The following EXD1 variants were observed in gnomAD, a reference collection of about 807,000 sequenced individuals.
EXD1 encodes exonuclease 3'-5' domain containing 1.
In EXD1, 63 loss-of-function variants were observed where a neutral mutation model predicts 49.1. The observed-to-expected ratio is 1.28, with a 90% CI of 1.05 to 1.58. The LOEUF is 1.58. Ranked by LOEUF, EXD1 falls within the 40% of genes most tolerant of loss-of-function variation. The pLI, the probability that EXD1 is intolerant of heterozygous loss-of-function variation, is 0.00. For synonymous variants in EXD1, 234 were observed against 239.2 expected, an observed-to-expected ratio of 0.98 and a Z score of 0.20; for missense variants, 748 against 666.0, an observed-to-expected ratio of 1.12 and a Z score of -1.36.
chr15:41,207,828 T>C (rs1595445667), intron 7 of EXD1, among the ~76,000 whole-genome samples: 1 of 151,662 alleles, frequency 6.6e-6, no homozygotes, highest in African/African-American at 2.4e-5. Flanking sequence ...CTGGCCAACA[T>C]GGTGAAACCC....
intron 7 of EXD1, among the ~76,000 whole-genome samples, chr15:41,200,157 G>A (rs2046705620): frequency 6.6e-6 from 1 of 151,960 alleles, no homozygotes; most frequent in Non-Finnish European, 1.5e-5. Flanking sequence ...TGATCCGCCT[G>A]CCTCGGCCTC....
In EXD1 at chr15:41,195,834, G is replaced by A. The variant is rs2046602590; in HGVS notation, c.661C>T (p.Leu221Phe). 1 of 1,613,570 alleles carries A rather than the reference G, an allele frequency of 6.2e-7. No individual in the cohort carries two copies. The highest frequency in any genetic ancestry group is 8.5e-7 in the Non-Finnish European group (1 of 1,179,888). The change falls in exon 9 of 12, where the codon CTT becomes TTT. Residue 221 changes from leucine (L) to phenylalanine (F), a missense_variant. Coordinates refer to ENST00000458580, the MANE Select transcript of EXD1 (RefSeq NM_001286441.2). ...TACTGATGAGAGAGGCAATCAGAAA[G>A]CCAACGACAATCATGGATAACCTAA... Reference protein sequence around the residue: ...ILKVIHDCRWLSDCLSHQYGI... With the variant: ...ILKVIHDCRWFSDCLSHQYGI...
intron 3 of EXD1, 187 bp downstream of exon 3, chr15:41,219,643 A>G (rs927329019): frequency 1.1e-4 from 56 of 510,122 alleles, no homozygotes; most frequent in African/African-American, 1.0e-3. Context: ...ACCTGACATT[A>G]TAAAACCAAA....
At chr15:41,215,886 G>A (rs1032278719) in intron 5 of EXD1, 53 bp from the exon 6 acceptor site, 1 of 1,583,728 alleles carries the variant, frequency 6.3e-7, no homozygotes, top group African/African-American at 1.4e-5. Context: ...CAACAGAATA[G>A]CTTTCTCAAT....
At chr15:41,214,380 G>A (rs1349592558) in intron 6 of EXD1, among the ~76,000 whole-genome samples, 1 of 151,610 alleles carries the variant, frequency 6.6e-6, no homozygotes, top group Non-Finnish European at 1.5e-5. Context: ...TGGCGTGGTG[G>A]TGCATGCCTG....
In EXD1 at chr15:41,184,321, C is replaced by G. The variant is rs2046370196; in HGVS notation, c.1329G>C (p.Leu443Phe). ...GDVNLLKEES[L>F]NKQATNPQHL... ...GTTGAGGATTTGTAGCTTGTTTATT[C>G]AAAGATTCTTCTTTCAGTAAATTCA... The change falls in exon 12 of 12, where the codon TTG (leucine) becomes TTC (phenylalanine). Residue 443 changes from leucine to phenylalanine, a missense_variant. Transcript: ENST00000458580. 1.2e-6 allele frequency: 2 copies of G among 1,614,062 alleles called. No homozygotes were observed. Among genetic ancestry groups the G allele is most frequent in the African/African-American group, 2.7e-5 (2 of 74,928 alleles).
At chr15:41,196,514 C>T (rs1256897030) in intron 7 of EXD1, among the ~76,000 whole-genome samples, 1 of 151,954 alleles carries the variant, frequency 6.6e-6, no homozygotes, top group Non-Finnish European at 1.5e-5. Flanking sequence ...GAAGGGGTTT[C>T]ACCATGTTGG....
chr15:41,222,337 C>T (rs530110109), intron 2 of EXD1, among the ~76,000 whole-genome samples: 1 of 152,220 alleles, frequency 6.6e-6, no homozygotes, highest in Non-Finnish European at 1.5e-5. Context: ...ATCACTTCAA[C>T]CTGGGAGGCG....
At chr15:41,209,740 T>C (rs1396879733) in intron 6 of EXD1, among the ~76,000 whole-genome samples, 153 bp from the exon 7 acceptor site, 1 of 151,964 alleles carries the variant, frequency 6.6e-6, no homozygotes, top group East Asian at 1.9e-4. Flanking sequence ...CAGTCTGTTT[T>C]ACACATGCAA....
Position 41,226,611 on chromosome 15 carries a change from T to C in EXD1, c.-36A>G, listed in dbSNP as rs564009733. Reference sequence around the variant, plus strand: ...TCCAAAAGCCGTCTTCAAATAATCTTCTTTAAGCATCCAAACACTTGAAAA... The same window carrying C: ...TCCAAAAGCCGTCTTCAAATAATCTCCTTTAAGCATCCAAACACTTGAAAA... On this transcript the variant is annotated 5_prime_UTR_variant, in exon 2 of 12. Coordinates refer to ENST00000458580, the MANE Select transcript of EXD1 (RefSeq NM_001286441.2). 6.6e-7 allele frequency: 1 copy of C among 1,518,562 alleles called. No homozygotes were observed. The highest frequency in any genetic ancestry group is 8.8e-7 in the Non-Finnish European group (1 of 1,138,116). 94.1% of individuals were successfully genotyped at this position (1,518,562 alleles called of 1,614,324 possible).
At chr15:41,229,132 C>T (rs1253604441) in intron 1 of EXD1, among the ~76,000 whole-genome samples, 2 of 152,164 alleles carry the variant, frequency 1.3e-5, no homozygotes, top group Non-Finnish European at 2.9e-5. Flanking sequence ...CAAAATGTTA[C>T]TGAGTACAAA....
At chr15:41,225,806 T>C (rs2047155139) in intron 2 of EXD1, among the ~76,000 whole-genome samples, 1 of 151,380 alleles carries the variant, frequency 6.6e-6, no homozygotes, top group Admixed American at 6.6e-5. Context: ...GAGAATCACT[T>C]GAACTTGGGA....
At chr15:41,228,078 G>A (rs900616582) in intron 1 of EXD1, among the ~76,000 whole-genome samples, 5 of 151,760 alleles carry the variant, frequency 3.3e-5, no homozygotes, top group African/African-American at 9.7e-5. Flanking sequence ...AAAAGAAGGC[G>A]GTACTCTTAC....
chr15:41,189,357 G>A (rs558868425), intron 11 of EXD1, among the ~76,000 whole-genome samples: 8 of 150,520 alleles, frequency 5.3e-5, no homozygotes, highest in African/African-American at 2.0e-4. Context: ...GACAGAGCGA[G>A]ACTCCATCTC....
In EXD1 at chr15:41,190,126, T is replaced by C; in HGVS notation, c.867A>G (p.Glu289=). 1.2e-6 allele frequency: 2 copies of C among 1,614,098 alleles called. No homozygotes were observed. The highest frequency in any genetic ancestry group is 1.7e-6 in the Non-Finnish European group (2 of 1,179,986). Residue 289 remains glutamate (E), a splice_region_variant and synonymous_variant, in exon 11 of 12, where the codon GAA becomes GAG. Transcript: ENST00000458580. ...GTCGGATGAACCATACTTCTGGATT[T>C]TCCTGGAGACAATAAAACAATTTCC... The part of the protein sequence containing the change: ...FLEKRQKLIQ[E]NPEVWFIRPV...
rs1048834180 is a variant in EXD1, at chr15:41,216,757, A to G, written c.299T>C (p.Val100Ala). 1.2e-6 allele frequency: 2 copies of G among 1,613,850 alleles called. No individual in the cohort carries two copies. Among genetic ancestry groups the G allele is most frequent in the South Asian group, 1.1e-5 (1 of 91,058 alleles). Residue 100 changes from valine to alanine, a missense_variant, in exon 5 of 12, where the codon GTT becomes GCT. Physicochemically the swap from Val to Ala is moderately conservative, Grantham distance 64 (BLOSUM62 0). Transcript: ENST00000458580. ...AERTWMEKMK[V>A]EDLNVCEPAS... is the part of the protein sequence containing the mutation. The stretch of plus-strand genomic sequence containing the variant: ...AGGCTCACATACATTTAGGTCTTCA[A>G]CTTTCATTTTCTCCATCCAGGTTCT...
chr15:41,194,309 C>A (rs1050700581), intron 9 of EXD1, among the ~76,000 whole-genome samples: 9 of 152,028 alleles, frequency 5.9e-5, no homozygotes, highest in African/African-American at 2.2e-4. Context: ...CCGTGCCGGG[C>A]CTGAAAAGTG....
chr15:41,216,970 T>A, intron 4 of EXD1, 127 bp downstream of exon 4: 1 of 1,271,778 alleles, frequency 7.9e-7, no homozygotes, highest in South Asian at 1.4e-5. Context: ...AAAACACCTA[T>A]ATATTTCTTC....
chr15:41,196,124 T>C, intron 7 of EXD1, 87 bp from the exon 8 acceptor site: 2 of 878,112 alleles, frequency 2.3e-6, no homozygotes, highest in Non-Finnish European at 1.7e-6. Context: ...AAAGACGTGA[T>C]AAAATATCTA....
Sources: allele counts gnomAD v4.1 joint callset (sites outside exome capture counted in the v4.1 genomes callset), GRCh38; gene constraint gnomAD v4.1.1; transcripts MANE v1.5; gene names NCBI Gene and HGNC (gene_info 2026-07-23, HGNC 2026-07-21).